Variants in SHISA6 observed in about 807,000 individuals in gnomAD.
The protein encoded by SHISA6 is shisa family member 6.
A neutral mutation model predicts 47.9 loss-of-function variants in SHISA6; 22 were observed. The observed-to-expected ratio is 0.46, with a 90% confidence interval of 0.33 to 0.66. The LOEUF (loss-of-function observed/expected upper bound fraction) is 0.66. SHISA6 is among the 30% of genes least tolerant of loss of function. The probability of loss-of-function intolerance (pLI) is 0.02; values close to 1 mark genes in which losing one functional copy is unlikely to be tolerated. For synonymous variants in SHISA6, 388 were observed against 337.8 expected (o/e 1.15, Z -1.63); for missense variants, 680 against 764.6 (o/e 0.89, Z 1.30).
chr17:11,329,987 C>T (rs961660116), intron 2 of SHISA6, among the ~76,000 whole-genome samples: 8 of 148,154 alleles, frequency 5.4e-5, no homozygotes, highest in African/African-American at 1.2e-4. Context: ...GAGTAGAATA[C>T]GGCCATATGA....
At chr17:11,260,439 A>ACTTG (rs1908186099) in intron 1 of SHISA6, among the ~76,000 whole-genome samples, 2 of 151,968 alleles carry the variant, frequency 1.3e-5, no homozygotes, top group Non-Finnish European at 2.9e-5. Flanking sequence ...CCCTGCTGAC[A>ACTTG]GCCTGTCGTG....
intron 2 of SHISA6, among the ~76,000 whole-genome samples, chr17:11,307,829 G>A (rs1399793886): frequency 2.0e-5 from 3 of 151,812 alleles, no homozygotes; most frequent in South Asian, 2.1e-4. Context: ...ATTGAATAAC[G>A]AAAATTGTTA....
At chr17:11,327,670 G>C (rs1457568582) in intron 2 of SHISA6, among the ~76,000 whole-genome samples, 1 of 152,146 alleles carries the variant, frequency 6.6e-6, no homozygotes, top group African/African-American at 2.4e-5. Context: ...GGTGGTGGGT[G>C]CCTGTAATCC....
intron 3 of SHISA6, among the ~76,000 whole-genome samples, chr17:11,484,110 G>A (rs1002495577): frequency 6.6e-6 from 1 of 151,916 alleles, no homozygotes; most frequent in African/African-American, 2.4e-5. Context: ...GAATTAACGG[G>A]ACAAAAATGA....
At chr17:11,535,826 A>G (rs1380125700) in intron 3 of SHISA6, among the ~76,000 whole-genome samples, 1 of 152,144 alleles carries the variant, frequency 6.6e-6, no homozygotes, top group African/African-American at 2.4e-5. Flanking sequence ...CAATGGCATG[A>G]TATTTCCAAA....
chr17:11,439,505 A>G (rs115455371), intron 3 of SHISA6, among the ~76,000 whole-genome samples: 1,532 of 152,282 alleles, frequency 0.01, 31 homozygotes, highest in African/African-American at 0.034. Context: ...TGGGGGAAAA[A>G]TGGGTAGCGT....
intron 2 of SHISA6, among the ~76,000 whole-genome samples, chr17:11,317,002 T>C (rs1314159889): frequency 6.6e-6 from 1 of 152,176 alleles, no homozygotes; most frequent in Non-Finnish European, 1.5e-5. Flanking sequence ...AATTTGAGAA[T>C]GAGCTCCTGT....
chr17:11,553,159 C>T (rs2071945539), intron 4 of SHISA6, among the ~76,000 whole-genome samples: 2 of 152,146 alleles, frequency 1.3e-5, no homozygotes, highest in Non-Finnish European at 2.9e-5. Flanking sequence ...AAATATTCAA[C>T]AGGCAGGAAT....
intron 3 of SHISA6, among the ~76,000 whole-genome samples, chr17:11,407,957 C>T (rs1914011789): frequency 6.6e-6 from 1 of 152,062 alleles, no homozygotes; most frequent in East Asian, 1.9e-4. Context: ...TTTGAAAAAC[C>T]AAGAGTTAGA....
intron 2 of SHISA6, among the ~76,000 whole-genome samples, chr17:11,360,102 G>A (rs189420459): frequency 2.6e-5 from 4 of 152,314 alleles, no homozygotes; most frequent in African/African-American, 9.6e-5. Context: ...TCAAGAAAAT[G>A]TTAGCACATA....
At chr17:11,378,348 C>G (rs1266135724) in intron 2 of SHISA6, among the ~76,000 whole-genome samples, 1 of 150,232 alleles carries the variant, frequency 6.7e-6, no homozygotes, top group South Asian at 2.1e-4. Flanking sequence ...TGTGTGTGTG[C>G]GCGCACATGC....
At chr17:11,489,618 C>A (rs1284839438) in intron 3 of SHISA6, among the ~76,000 whole-genome samples, 5 of 152,146 alleles carry the variant, frequency 3.3e-5, no homozygotes, top group African/African-American at 1.2e-4. Context: ...AGGGAAGTGG[C>A]AGATCCAGGA....
chr17:11,242,229 C>T (rs1907396940), intron 1 of SHISA6, among the ~76,000 whole-genome samples, 169 bp downstream of exon 1: 1 of 152,234 alleles, frequency 6.6e-6, no homozygotes, highest in South Asian at 2.1e-4. Flanking sequence ...TGTGCCCCCT[C>T]CTCCATTTCT....
chr17:11,459,952 G>T (rs138925453), intron 3 of SHISA6, among the ~76,000 whole-genome samples: 1 of 152,206 alleles, frequency 6.6e-6, no homozygotes, highest in Non-Finnish European at 1.5e-5. Context: ...ACCCTGATGC[G>T]TTCAAGAGGG....
chr17:11,316,417 CTCTTT>C (rs1372730738), intron 2 of SHISA6, among the ~76,000 whole-genome samples: 16 of 52,022 alleles, frequency 3.1e-4, no homozygotes, highest in Admixed American at 5.2e-4. Context: ...CTCTCTCTCT[CTCTTT>C]TTTTTTTTTT....
At chr17:11,321,248 G>A (rs1017955105) in intron 2 of SHISA6, among the ~76,000 whole-genome samples, 4 of 152,140 alleles carry the variant, frequency 2.6e-5, no homozygotes, top group African/African-American at 9.7e-5. Context: ...TATGTATCAG[G>A]AAAGCTAATG....
chr17:11,241,667 C>A lies in SHISA6; in HGVS notation c.245C>A (p.Ala82Glu). ...SRRGQPAAAVAAAASAAVTYE... is the reference protein window; with the variant it reads ...SRRGQPAAAVEAAASAAVTYE... ...CGGGGGCAGCCCGCGGCGGCTGTGG[C>A]GGCGGCGGCCAGCGCGGCCGTCACC... Residue 82 changes from alanine to glutamate, a missense_variant, in exon 1 of 6, where the codon GCG becomes GAG. Ala to Glu is a moderately radical substitution (Grantham distance 107, BLOSUM62 -1). Coordinates refer to ENST00000441885, the MANE Select transcript of SHISA6 (RefSeq NM_207386.4). The surrounding 1 kb of genome is among the most constrained non-coding windows in gnomAD (Gnocchi z 5.5). 6.9e-7 allele frequency: 1 copy of A among 1,457,576 alleles called. No homozygotes were observed. Among genetic ancestry groups the A allele is most frequent in the South Asian group, 1.4e-5 (1 of 72,694 alleles). 90.3% of individuals were successfully genotyped at this position (1,457,576 alleles called of 1,614,324 possible).
intron 3 of SHISA6, among the ~76,000 whole-genome samples, chr17:11,476,504 C>A (rs1916054839): frequency 6.6e-6 from 1 of 151,916 alleles, no homozygotes; most frequent in African/African-American, 2.4e-5. Context: ...TTCAAAATAT[C>A]TTTGATTTCT....
rs543349865 is a variant in SHISA6, at chr17:11,342,614, CT to C, written c.800-36798del. On this transcript the variant is annotated intron_variant, in intron 2 of 5. Transcript: ENST00000441885. ...TTCCCATTAGCAGAGCAGTAACAAC[CT>C]TCTAGCAGTGGGTACAGTTGTAGGA... Among the ~76,000 whole-genome samples the C allele has an allele frequency of 7.6e-3, 1,162 of 152,312 alleles. 8 individuals are homozygous for C. The highest frequency in any genetic ancestry group is 0.011 in the Non-Finnish European group (760 of 68,038).
Sources: gnomAD v4.1 joint callset for allele counts (sites outside exome capture counted in the v4.1 genomes callset) on GRCh38, gnomAD v4.1.1 for gene constraint, Gnocchi (gnomAD v3.1) non-coding constraint, MANE v1.5 for transcripts, NCBI Gene and HGNC (gene_info 2026-07-23, HGNC 2026-07-21) for gene names.